Variants in NFKB1 observed in about 807,000 individuals in gnomAD.
The protein encoded by NFKB1 is nuclear factor NF-kappa-B p105 subunit.
Under a neutral mutation model 105.1 loss-of-function variants are expected in NFKB1, and 9 were observed. The ratio of observed to expected loss-of-function variants is 0.09; its 90% CI spans 0.05 to 0.15. The LOEUF is 0.15. Among genes scored for constraint, NFKB1 ranks in the 10% least tolerant of loss-of-function variants. NFKB1 has a pLI of 1.00. For missense variants in NFKB1, 830 were observed against 1,203.7 expected (o/e 0.69, Z 4.59); for synonymous variants, 440 against 442.2 (o/e 1.00, Z 0.06).
intron 5 of NFKB1, among the ~76,000 whole-genome samples, chr4:102,559,940 T>TA (rs373643720): frequency 0.06 from 7,870 of 130,682 alleles, 234 homozygotes; most frequent in African/African-American, 0.089. Flanking sequence ...CCTGTCCCTT[T>TA]AAAAAAAAAA....
chr4:102,519,995 G>A (rs74833382), intron 1 of NFKB1, among the ~76,000 whole-genome samples: 4,568 of 152,234 alleles, frequency 0.03, 95 homozygotes, highest in Non-Finnish European at 0.044. Flanking sequence ...CATGCTCAGC[G>A]TTATTGATAT....
At chr4:102,595,794 C>T (rs1052257277) in intron 13 of NFKB1, among the ~76,000 whole-genome samples, 5 of 152,162 alleles carry the variant, frequency 3.3e-5, no homozygotes, top group African/African-American at 1.2e-4. Context: ...TTGCTTTGTT[C>T]ATTAGCATTA....
chr4:102,524,754 T>C (rs1421091374), intron 1 of NFKB1, among the ~76,000 whole-genome samples: 1 of 152,128 alleles, frequency 6.6e-6, no homozygotes, highest in Non-Finnish European at 1.5e-5. Flanking sequence ...AGGCGTTAGA[T>C]TCTCATAAGG....
chr4:102,596,041 A>C (rs1726580973), intron 13 of NFKB1, 97 bp from the exon 14 acceptor site: 1 of 725,352 alleles, frequency 1.4e-6, no homozygotes, highest in Non-Finnish European at 2.1e-6. Flanking sequence ...TTTGCAGCAA[A>C]CTTGTCTCTT....
At chr4:102,537,376 C>T (rs1026553807) in intron 4 of NFKB1, among the ~76,000 whole-genome samples, 9 of 152,258 alleles carry the variant, frequency 5.9e-5, no homozygotes, top group African/African-American at 2.2e-4. Context: ...AACGCTGAAA[C>T]AGTATATCTA....
intron 1 of NFKB1, among the ~76,000 whole-genome samples, chr4:102,523,345 A>G (rs1446112834): frequency 6.6e-6 from 1 of 152,160 alleles, no homozygotes; most frequent in East Asian, 1.9e-4. Context: ...CATGAACTTC[A>G]TGTTCTGAAG....
intron 11 of NFKB1, among the ~76,000 whole-genome samples, chr4:102,590,316 G>A (rs1012627584): frequency 1.3e-5 from 2 of 152,130 alleles, no homozygotes; most frequent in African/African-American, 2.4e-5. Flanking sequence ...TTCATTCTCC[G>A]GGTGCTCCGC....
chr4:102,615,644 T>G (rs1468043602), intron 23 of NFKB1, among the ~76,000 whole-genome samples: 1 of 152,200 alleles, frequency 6.6e-6, no homozygotes, highest in Non-Finnish European at 1.5e-5. Context: ...AGCCCTTAAT[T>G]TGTAGTTATT....
chr4:102,570,937 C>G (rs1474200381), intron 6 of NFKB1, among the ~76,000 whole-genome samples: 1 of 152,094 alleles, frequency 6.6e-6, no homozygotes, highest in African/African-American at 2.4e-5. Context: ...CAATGCCATC[C>G]CCATCAAGCT....
chr4:102,518,740 T>C (rs1439932273), intron 1 of NFKB1, among the ~76,000 whole-genome samples: 1 of 152,198 alleles, frequency 6.6e-6, no homozygotes. Context: ...GCTACTCAGC[T>C]GGTGCCCTAC....
chr4:102,556,147 T>C (rs1722973704), intron 5 of NFKB1, among the ~76,000 whole-genome samples: 1 of 152,196 alleles, frequency 6.6e-6, no homozygotes, highest in South Asian at 2.1e-4. Context: ...TGCACTTTTT[T>C]AGAAGGCAGC....
At position 102,612,583 on chromosome 4, in the gene NFKB1, A is replaced by G. The variant is rs768662565; in HGVS notation, c.2569A>G (p.Lys857Glu). ...NAFRLSPAPS[K>E]TLMDNYEVSG... is the part of the protein sequence containing the mutation. ...CTTCCGGCTGAGTCCTGCTCCTTCC[A>G]AAACACTTATGGACAACTATGAGGT... Residue 857 changes from lysine (K) to glutamate (E), a missense_variant, in exon 22 of 24, where the codon AAA (lysine) becomes GAA (glutamate). Lys to Glu is a moderately conservative substitution (Grantham distance 56, BLOSUM62 1). Coordinates refer to ENST00000226574, the MANE Select transcript of NFKB1 (RefSeq NM_003998.4). The G allele has an allele frequency of 2.5e-6, 4 of 1,613,768 alleles. No homozygotes were observed. In the Admixed American group the frequency reaches 6.7e-5, roughly 27 times the overall value.
intron 11 of NFKB1, among the ~76,000 whole-genome samples, chr4:102,591,444 C>G (rs1264890728): frequency 6.9e-6 from 1 of 145,324 alleles, no homozygotes; most frequent in Non-Finnish European, 1.5e-5. Context: ...AAAAGGCAGA[C>G]TTTCTCATTA....
intron 7 of NFKB1, chr4:102,578,169 A>G (rs1725020799): frequency 5.9e-6 from 1 of 168,484 alleles, no homozygotes. Context: ...CTCTTATATG[A>G]ATGTGTTCAA....
chr4:102,502,390 G>A (rs867846249), intron 1 of NFKB1, among the ~76,000 whole-genome samples: 261 of 105,386 alleles, frequency 2.5e-3, no homozygotes, highest in African/African-American at 5.0e-3. Flanking sequence ...GCGCGCGCGC[G>A]CACACACACA....
At chr4:102,565,505 T>C (rs573520214) in intron 5 of NFKB1, among the ~76,000 whole-genome samples, 9 of 152,356 alleles carry the variant, frequency 5.9e-5, no homozygotes, top group African/African-American at 2.2e-4. Context: ...AAAACCCTGC[T>C]TCAATAAAAT....
chr4:102,584,657 A>T (rs1242502307), intron 10 of NFKB1, 25 bp from the exon 11 acceptor site: 2 of 1,572,080 alleles, frequency 1.3e-6, no homozygotes, highest in East Asian at 4.5e-5. Flanking sequence ...TCCTACACCA[A>T]CATGTGGTTC....
chr4:102,605,341 C>T (rs373601666), intron 16 of NFKB1, among the ~76,000 whole-genome samples: 1 of 152,158 alleles, frequency 6.6e-6, no homozygotes, highest in East Asian at 1.9e-4. Flanking sequence ...TTAGACTACC[C>T]TCCCATCATT....
intron 2 of NFKB1, among the ~76,000 whole-genome samples, chr4:102,528,687 C>G (rs1231933160): frequency 6.6e-6 from 1 of 152,134 alleles, no homozygotes; most frequent in Non-Finnish European, 1.5e-5. Flanking sequence ...ATAGCAAGCT[C>G]AGAAATACAG....
Sources: allele counts gnomAD v4.1 joint callset (sites outside exome capture counted in the v4.1 genomes callset), GRCh38; gene constraint gnomAD v4.1.1; transcripts MANE v1.5; gene names NCBI Gene and HGNC (gene_info 2026-07-23, HGNC 2026-07-21).